The following ST6GALNAC5 variants were observed in gnomAD, a reference collection of about 807,000 sequenced individuals.
ST6GALNAC5 encodes the protein ST6 N-acetylgalactosaminide alpha-2,6-sialyltransferase 5.
Under a neutral mutation model 33.6 loss-of-function variants are expected in ST6GALNAC5, and 27 were observed. The ratio of observed to expected loss-of-function variants is 0.80; its 90% CI spans 0.59 to 1.11. ST6GALNAC5 has a LOEUF of 1.11. ST6GALNAC5 is among the 50% of genes least tolerant of loss of function. The pLI, the probability that ST6GALNAC5 is intolerant of heterozygous loss-of-function variation, is 0.00. For synonymous variants in ST6GALNAC5, 194 were observed against 171.2 expected (o/e 1.13, Z -1.04); for missense variants, 428 against 454.0 (o/e 0.94, Z 0.52).
At chr1:77,020,205 T>C (rs928612905) in intron 2 of ST6GALNAC5, among the ~76,000 whole-genome samples, 3 of 152,162 alleles carry the variant, frequency 2.0e-5, no homozygotes, top group Admixed American at 1.3e-4. Flanking sequence ...ACAAGCATGC[T>C]TTTGAGGGGA....
intron 2 of ST6GALNAC5, among the ~76,000 whole-genome samples, chr1:76,882,435 C>G (rs75528451): frequency 0.039 from 5,930 of 152,192 alleles, 202 homozygotes; most frequent in African/African-American, 0.088. Context: ...TTGACTCCCC[C>G]CAAATTCTGA....
chr1:77,005,306 C>G (rs1300390618), intron 2 of ST6GALNAC5, among the ~76,000 whole-genome samples: 2 of 152,244 alleles, frequency 1.3e-5, no homozygotes, highest in African/African-American at 4.8e-5. Context: ...CTCCCTGACC[C>G]TTGCGCTTCC....
chr1:76,916,787 G>C (rs1646980438), intron 2 of ST6GALNAC5, among the ~76,000 whole-genome samples: 1 of 151,916 alleles, frequency 6.6e-6, no homozygotes, highest in African/African-American at 2.4e-5. Context: ...GATATACTTT[G>C]ATGTTACCAT....
chr1:76,967,152 G>A (rs1021638864), intron 2 of ST6GALNAC5, among the ~76,000 whole-genome samples: 1 of 152,138 alleles, frequency 6.6e-6, no homozygotes, highest in African/African-American at 2.4e-5. Context: ...CTATTGATCG[G>A]AATACTTTCA....
chr1:76,968,002 CTA>C (rs1648572329), intron 2 of ST6GALNAC5, among the ~76,000 whole-genome samples: 1 of 152,062 alleles, frequency 6.6e-6, no homozygotes, highest in Non-Finnish European at 1.5e-5. Context: ...TTACTTCCAA[CTA>C]TGTGGTCAAG....
chr1:76,880,724 T>C (rs2100921935), intron 2 of ST6GALNAC5, among the ~76,000 whole-genome samples: 1 of 152,280 alleles, frequency 6.6e-6, no homozygotes, highest in Non-Finnish European at 1.5e-5. Context: ...GCTCACTGAC[T>C]CAAATGTTAA....
intron 2 of ST6GALNAC5, among the ~76,000 whole-genome samples, chr1:76,945,600 G>A (rs1647490096): frequency 6.6e-6 from 1 of 152,088 alleles, no homozygotes; most frequent in African/African-American, 2.4e-5. Context: ...TTAATTTGTA[G>A]AGGATATTTA....
rs181357927 is a variant in ST6GALNAC5, at chr1:76,868,268, G to A, written c.16-229G>A. ...GGCCGTACACCACCTGCCCTCTACC[G>A]AGAGATCTGGGCGGCGGCGGCCGAA... On this transcript the variant is annotated intron_variant, in intron 1 of 4. Coordinates refer to ENST00000477717, the MANE Select transcript of ST6GALNAC5 (RefSeq NM_030965.3). The surrounding 1 kb of genome is among the most constrained non-coding windows in gnomAD (Gnocchi z 4.3). 6.6e-6 allele frequency among the ~76,000 whole-genome samples: 1 copy of A among 151,978 alleles called. No homozygotes were observed. The highest frequency in any genetic ancestry group is 1.5e-5 in the Non-Finnish European group (1 of 67,956).
chr1:76,877,437 A>G (rs1158329536), intron 2 of ST6GALNAC5, among the ~76,000 whole-genome samples: 2 of 152,220 alleles, frequency 1.3e-5, no homozygotes, highest in Non-Finnish European at 2.9e-5. Context: ...TGACACACTC[A>G]AATGAGGAAT....
chr1:76,891,477 G>C (rs1337772889), intron 2 of ST6GALNAC5, among the ~76,000 whole-genome samples: 3 of 151,884 alleles, frequency 2.0e-5, no homozygotes, highest in Non-Finnish European at 4.4e-5. Context: ...ATATATTCTG[G>C]ATACAAGTTC....
At chr1:76,936,645 G>T (rs1378451119) in intron 2 of ST6GALNAC5, among the ~76,000 whole-genome samples, 1 of 151,958 alleles carries the variant, frequency 6.6e-6, no homozygotes, top group African/African-American at 2.4e-5. Flanking sequence ...CCCTTTGTAG[G>T]GTCAACCCTT....
intron 2 of ST6GALNAC5, among the ~76,000 whole-genome samples, chr1:76,900,805 C>A (rs952711207): frequency 6.6e-6 from 1 of 152,080 alleles, no homozygotes; most frequent in Non-Finnish European, 1.5e-5. Flanking sequence ...TATTTAGATA[C>A]ATTTATTACT....
At chr1:76,918,943 T>G (rs1312859137) in intron 2 of ST6GALNAC5, among the ~76,000 whole-genome samples, 1 of 152,162 alleles carries the variant, frequency 6.6e-6, no homozygotes, top group Non-Finnish European at 1.5e-5. Context: ...AGCACATCAT[T>G]AAGATACTGT....
In ST6GALNAC5 at chr1:77,056,263, G is replaced by A. The variant is rs915265326; in HGVS notation, c.779+5898G>A. 3.3e-5 allele frequency among the ~76,000 whole-genome samples: 5 copies of A among 152,138 alleles called. No individual in the cohort carries two copies. The East Asian group carries it at 5.8e-4, about 18-fold the overall frequency. ...TCTCTCTAGATGGCCTATAAATTGC[G>A]TGAAAAGATCTGTTGTCGTTGCTTT... On this transcript the variant is annotated intron_variant, in intron 4 of 4. Transcript: ENST00000477717.
chr1:76,908,117 A>C (rs567110859), intron 2 of ST6GALNAC5, among the ~76,000 whole-genome samples: 1 of 152,156 alleles, frequency 6.6e-6, no homozygotes, highest in South Asian at 2.1e-4. Flanking sequence ...AAGCAGACTA[A>C]ATTTCTCTCA....
Position 76,994,114 on chromosome 1 carries a change from T to A in ST6GALNAC5, c.262-50090T>A, listed in dbSNP as rs149798601. Among the ~76,000 whole-genome samples, 71 of 152,300 alleles carry A rather than the reference T, an allele frequency of 4.7e-4. No homozygotes were observed. The Middle Eastern group carries it at 0.017, about 36-fold the overall frequency. On this transcript the variant is annotated intron_variant, in intron 2 of 4. Transcript: ENST00000477717. ...ATCAGCCACTCTTGCAAGGTCATAT[T>A]TCACAGAGACAGCTGAATTCACCCA...
chr1:76,958,152 C>T (rs1020523342), intron 2 of ST6GALNAC5, among the ~76,000 whole-genome samples: 1 of 152,208 alleles, frequency 6.6e-6, no homozygotes, highest in Non-Finnish European at 1.5e-5. Flanking sequence ...CATGATGCCA[C>T]ATGTGACAGC....
At chr1:77,020,280 G>T (rs1651002611) in intron 2 of ST6GALNAC5, among the ~76,000 whole-genome samples, 1 of 152,172 alleles carries the variant, frequency 6.6e-6, no homozygotes, top group Non-Finnish European at 1.5e-5. Context: ...TGAGACTGGG[G>T]TCTTGCACTC....
intron 2 of ST6GALNAC5, among the ~76,000 whole-genome samples, chr1:77,037,935 G>A (rs1362599304): frequency 1.3e-5 from 2 of 152,218 alleles, no homozygotes; most frequent in African/African-American, 2.4e-5. Flanking sequence ...CACCTGGGTA[G>A]AAGGTGCACC....
Sources: allele counts gnomAD v4.1 joint callset (sites outside exome capture counted in the v4.1 genomes callset), GRCh38; gene constraint gnomAD v4.1.1; non-coding constraint Gnocchi (gnomAD v3.1); transcripts MANE v1.5; gene names NCBI Gene and HGNC (gene_info 2026-07-23, HGNC 2026-07-21).